The following RIMBP2 variants were observed in gnomAD, a reference collection of about 807,000 sequenced individuals.
RIMBP2 encodes RIMS-binding protein 2.
A neutral mutation model predicts 118.6 loss-of-function variants in RIMBP2; 48 were observed. That is an observed-to-expected ratio of 0.40 (90% CI 0.32 to 0.51). The LOEUF (loss-of-function observed/expected upper bound fraction) is 0.51. RIMBP2 is among the 20% of genes least tolerant of loss of function. The pLI, the probability that RIMBP2 is intolerant of heterozygous loss-of-function variation, is 0.41. For synonymous variants in RIMBP2, 762 were observed against 742.9 expected, an observed-to-expected ratio of 1.03 and a Z score of -0.42; for missense variants, 1,551 against 1,768.3, an observed-to-expected ratio of 0.88 and a Z score of 2.20.
chr12:130,659,556 G>T (rs938653756), intron 1 of RIMBP2, among the ~76,000 whole-genome samples: 1 of 140,424 alleles, frequency 7.1e-6, no homozygotes, highest in African/African-American at 2.6e-5. Context: ...GCGACAGAGC[G>T]AGACTCTGTC....
At chr12:130,548,510 T>C (rs965141300) in intron 2 of RIMBP2, among the ~76,000 whole-genome samples, 1 of 152,154 alleles carries the variant, frequency 6.6e-6, no homozygotes, top group Admixed American at 6.5e-5. Context: ...TAAAATTCCA[T>C]CTCTGATCTT....
chr12:130,674,818 G>C lies in RIMBP2; in HGVS notation c.-352+41404C>G, dbSNP rs1269358771. 3.3e-5 allele frequency among the ~76,000 whole-genome samples: 5 copies of C among 151,920 alleles called. No homozygotes were observed. The East Asian group carries it at 9.7e-4, about 29-fold the overall frequency. ...CCATCAGCATGCTTTCCGTCTGTGT[G>C]GGTTCGCCTGCTCGGGACGGGTCGT... On this transcript the variant is annotated intron_variant, in intron 1 of 22. Transcript: ENST00000690449.
chr12:130,692,746 G>GTAGAA lies in RIMBP2; in HGVS notation c.-352+23471_-352+23475dup, dbSNP rs747395640. Among the ~76,000 whole-genome samples the GTAGAA allele has an allele frequency of 7.9e-5, 12 of 151,564 alleles. 1 individual carries two copies. Among genetic ancestry groups the GTAGAA allele is most frequent in the Admixed American group, 1.3e-4 (2 of 15,194 alleles). ...GGTGCAGTGGAATAGGTGGAATGGG[G>GTAGAA]TAGAATAGAATAGAATAGAGACATG... On this transcript the variant is annotated intron_variant, in intron 1 of 22. Transcript: ENST00000690449.
chr12:130,611,979 A>C (rs914653415), intron 2 of RIMBP2, among the ~76,000 whole-genome samples: 1 of 152,228 alleles, frequency 6.6e-6, no homozygotes, highest in Non-Finnish European at 1.5e-5. Context: ...GCATCCTCTG[A>C]GAAGCATGTC....
rs753928917 is a variant in RIMBP2 at position 130,424,540 on chromosome 12, G to A, written c.2731C>T (p.Arg911Cys). The change falls in exon 16 of 23, where the codon CGC (arginine) becomes TGC (cysteine). Residue 911 changes from arginine to cysteine, a missense_variant. Arg to Cys is a radical substitution (Grantham distance 180). This residue lies in a region of RIMBP2 where 1,038 missense variants were observed against 1,125.1 expected (regional missense o/e 0.92). Coordinates refer to ENST00000690449, the MANE Select transcript of RIMBP2 (RefSeq NM_001393629.1). This position sits in a 1 kb window ranked among gnomAD's most constrained non-coding sequence, Gnocchi z 9.8. ...CTGTCCGGGCTCCGGGTGGCCGAGCGGCTGAACCGACAGCCCCTGTCTTCC... is the reference window on the plus strand; with the variant it reads ...CTGTCCGGGCTCCGGGTGGCCGAGCAGCTGAACCGACAGCCCCTGTCTTCC... ...LLEDRGCRFS[R>C]SATRSPDSGL... 853 of 1,231,966 alleles carry A rather than the reference G, an allele frequency of 6.9e-4. 2 individuals carry two copies. The highest frequency in any genetic ancestry group is 1.7e-3 in the Admixed American group (41 of 23,726). 76.3% of individuals were successfully genotyped at this position (1,231,966 alleles called of 1,614,324 possible).
Position 130,434,673 on chromosome 12 carries a change from C to A in RIMBP2, c.2253+61G>T. The A allele has an allele frequency of 6.5e-7, 1 of 1,541,408 alleles. No individual in the cohort carries two copies. Among genetic ancestry groups the A allele is most frequent in the South Asian group, 1.2e-5 (1 of 83,356 alleles). ...AAGTGCCCATGTCTCTTGATCTCCA[C>A]GGGGCCCGCTCCGAGCCCGCGCCCA... On this transcript the variant is annotated intron_variant, in intron 14 of 22. Coordinates refer to ENST00000690449, the MANE Select transcript of RIMBP2 (RefSeq NM_001393629.1). This position sits in a 1 kb window ranked among gnomAD's most constrained non-coding sequence, Gnocchi z 5.7.
intron 10 of RIMBP2, among the ~76,000 whole-genome samples, chr12:130,443,372 C>T (rs1456363550): frequency 6.6e-6 from 1 of 152,154 alleles, no homozygotes; most frequent in Non-Finnish European, 1.5e-5. Flanking sequence ...AGGCTGCTAA[C>T]AGCAGACGGC....
At chr12:130,659,278 A>ATT (rs2063554366) in intron 1 of RIMBP2, among the ~76,000 whole-genome samples, 1 of 152,176 alleles carries the variant, frequency 6.6e-6, no homozygotes, top group South Asian at 2.1e-4. Flanking sequence ...AATAATTAAA[A>ATT]TTATTAATGT....
intron 6 of RIMBP2, among the ~76,000 whole-genome samples, chr12:130,461,014 C>A (rs2079934467): frequency 6.6e-6 from 1 of 152,154 alleles, no homozygotes; most frequent in Non-Finnish European, 1.5e-5. Context: ...GTTTCTCCTC[C>A]AAGGGGCCAC....
intron 2 of RIMBP2, among the ~76,000 whole-genome samples, chr12:130,548,911 G>A (rs557753365): frequency 1.4e-4 from 22 of 152,172 alleles, no homozygotes; most frequent in Admixed American, 2.0e-4. Flanking sequence ...TGTTTTAATC[G>A]GGTGAGACCC....
At chr12:130,502,870 C>T (rs2049933154) in intron 4 of RIMBP2, among the ~76,000 whole-genome samples, 1 of 152,088 alleles carries the variant, frequency 6.6e-6, no homozygotes, top group African/African-American at 2.4e-5. Flanking sequence ...ACGTGTGTCT[C>T]ACTATATAGA....
intron 1 of RIMBP2, among the ~76,000 whole-genome samples, chr12:130,664,898 G>A (rs2063851601): frequency 6.6e-6 from 1 of 151,794 alleles, no homozygotes; most frequent in African/African-American, 2.4e-5. Flanking sequence ...TGCCAAGGAT[G>A]GGCCCATTCA....
At chr12:130,691,448 T>A (rs999477357) in intron 1 of RIMBP2, among the ~76,000 whole-genome samples, 3 of 152,080 alleles carry the variant, frequency 2.0e-5, no homozygotes, top group African/African-American at 7.2e-5. Flanking sequence ...GGTAGGCAGA[T>A]CACTTGAGCC....
chr12:130,557,723 T>A (rs929752130), intron 2 of RIMBP2, among the ~76,000 whole-genome samples: 1 of 152,210 alleles, frequency 6.6e-6, no homozygotes, highest in Admixed American at 6.5e-5. Flanking sequence ...GATGACAAAT[T>A]CAGCTACCTG....
intron 2 of RIMBP2, among the ~76,000 whole-genome samples, chr12:130,553,702 C>A (rs544001589): frequency 1.3e-5 from 2 of 152,272 alleles, no homozygotes; most frequent in South Asian, 4.2e-4. Flanking sequence ...CCTGATTGTG[C>A]CACTGCACTC....
In RIMBP2 at chr12:130,456,535, G is replaced by A. The variant is rs748270272; in HGVS notation, c.319C>T (p.Pro107Ser). Residue 107 changes from proline (P) to serine (S), a missense_variant, in exon 7 of 23, where the codon CCA (proline) becomes TCA (serine). By Grantham distance (74) the Pro-to-Ser change is moderately conservative. This residue lies in a region of RIMBP2 where 239 missense variants were observed against 256.8 expected (regional missense o/e 0.93). Coordinates refer to ENST00000690449, the MANE Select transcript of RIMBP2 (RefSeq NM_001393629.1). ...DISTAPSKPF[P>S]QFMNGLATSL... ...GTGGCTAGGCCATTCATGAACTGTGGGAAAGGCTTGCTGGGGGCCGTGGAG... is the reference window on the plus strand; with the variant it reads ...GTGGCTAGGCCATTCATGAACTGTGAGAAAGGCTTGCTGGGGGCCGTGGAG... The A allele has an allele frequency of 6.2e-7, 1 of 1,607,740 alleles. No homozygotes were observed. The highest frequency in any genetic ancestry group is 8.5e-7 in the Non-Finnish European group (1 of 1,175,152).
Position 130,399,802 on chromosome 12 carries a change from A to T in RIMBP2, c.3777T>A (p.Asn1259Lys). ...TTGAGGGCACAAGGCCTTTCTGCCC[A>T]TTCAGCTCCCCCTAAAACACCAGGG... ...DEDGFYYGEL[N>K]GQKGLVPSNF... The change falls in exon 22 of 23, where the codon AAT (asparagine) becomes AAA (lysine). Residue 1259 changes from asparagine to lysine, a missense_variant. This residue lies in a region of RIMBP2 where 1,038 missense variants were observed against 1,125.1 expected (regional missense o/e 0.92). Coordinates refer to ENST00000690449, the MANE Select transcript of RIMBP2 (RefSeq NM_001393629.1). 1 of 1,613,908 alleles carries T rather than the reference A, an allele frequency of 6.2e-7. No homozygotes were observed.
rs1182337372 is a variant in RIMBP2 at position 130,621,868 on chromosome 12, C to A, written c.-217+6454G>T. On this transcript the variant is annotated intron_variant, in intron 2 of 22. Coordinates refer to ENST00000690449, the MANE Select transcript of RIMBP2 (RefSeq NM_001393629.1). The surrounding 1 kb of genome is among the most constrained non-coding windows in gnomAD (Gnocchi z 6.6). The stretch of plus-strand genomic sequence containing the variant: ...CGCTGAACCCAGCCTGGTACTGAGG[C>A]CAGCAGGCCAGCATCACACACACTT... Among the ~76,000 whole-genome samples the A allele has an allele frequency of 6.6e-6, 1 of 152,150 alleles. No individual in the cohort carries two copies. Among genetic ancestry groups the A allele is most frequent in the Non-Finnish European group, 1.5e-5 (1 of 68,028 alleles).
At chr12:130,641,246 G>A (rs1029255846) in intron 1 of RIMBP2, among the ~76,000 whole-genome samples, 24 of 152,088 alleles carry the variant, frequency 1.6e-4, no homozygotes, top group African/African-American at 4.6e-4. Flanking sequence ...AGCCCTGACC[G>A]CACTGCAAGG....
Sources: gnomAD v4.1 joint callset for allele counts (sites outside exome capture counted in the v4.1 genomes callset) on GRCh38, gnomAD v4.1.1 for gene constraint, gnomAD v4.1.1 regional missense constraint, Gnocchi (gnomAD v3.1) non-coding constraint, MANE v1.5 for transcripts, NCBI Gene and HGNC (gene_info 2026-07-23, HGNC 2026-07-21) for gene names.